Variants in MKKS observed in about 807,000 individuals in gnomAD.
The protein encoded by MKKS is molecular chaperone MKKS.
MKKS carries 29 observed loss-of-function variants against 33.2 expected under a neutral mutation model. That is an observed-to-expected ratio of 0.87 (90% CI 0.65 to 1.19). MKKS has a LOEUF of 1.19. Among genes scored for constraint, MKKS ranks in the 50% most tolerant of loss-of-function variants. The pLI is 0.00. For missense variants in MKKS, 661 were observed against 662.3 expected (o/e 1.00, Z 0.02); for synonymous variants, 260 against 244.0 (o/e 1.07, Z -0.61).
chr20:10,407,781 A>C, intron 4 of MKKS, 55 bp from the exon 5 acceptor site: 1 of 1,310,554 alleles, frequency 7.6e-7, no homozygotes, highest in South Asian at 1.2e-5. Flanking sequence ...TTAACACACA[A>C]AAAATCATGC....
Position 10,404,980 on chromosome 20 carries a change from T to C in MKKS, c.*267A>G, listed in dbSNP as rs2064830671. 1 of 239,644 alleles carries C rather than the reference T, an allele frequency of 4.2e-6. No individual in the cohort carries two copies. Among genetic ancestry groups the C allele is most frequent in the Admixed American group, 5.0e-5 (1 of 20,076 alleles). 14.8% of individuals were successfully genotyped at this position (239,644 alleles called of 1,614,324 possible). ...CAAAATGATGCCAACATAACAAAAA[T>C]TTAGAACAATGTACAGCAGCCAGTA... On this transcript the variant is annotated 3_prime_UTR_variant, in exon 6 of 6. Transcript: ENST00000347364.
chr20:10,415,415 T>C (rs954980768), intron 2 of MKKS, among the ~76,000 whole-genome samples: 4 of 152,232 alleles, frequency 2.6e-5, no homozygotes, highest in Non-Finnish European at 5.9e-5. Context: ...AATGTTATTT[T>C]GGTTACCATT....
rs2064974000 is a variant in MKKS, at chr20:10,420,668, G to T, written c.-558C>A. The T allele has an allele frequency of 6.6e-6, 1 of 152,094 alleles. No homozygotes were observed. Among genetic ancestry groups the T allele is most frequent in the South Asian group, 2.1e-4 (1 of 4,814 alleles). 9.4% of individuals were successfully genotyped at this position (152,094 alleles called of 1,614,324 possible). A position where few individuals can be genotyped will look rare whatever the true frequency, so the allele number is the denominator to read the frequency against. The stretch of plus-strand genomic sequence containing the variant: ...CTTTTGATTCTGTACCACCCCAAAT[G>T]TATGAGCCCAACTAAAGGGACCATA... On this transcript the variant is annotated 5_prime_UTR_variant, in exon 2 of 6. Transcript: ENST00000347364.
intron 1 of MKKS, among the ~76,000 whole-genome samples, chr20:10,422,550 C>T (rs2064987938): frequency 6.6e-6 from 1 of 152,068 alleles, no homozygotes. Context: ...ACAGAGGCTG[C>T]ACCAAAGGTC....
rs2064972781 is a variant in MKKS, at chr20:10,420,556, T to A, written c.-446A>T. 6.6e-6 allele frequency: 1 copy of A among 152,232 alleles called. No individual in the cohort carries two copies. Among genetic ancestry groups the A allele is most frequent in the African/African-American group, 2.4e-5 (1 of 41,454 alleles). The allele number at this position is 152,232 out of a possible 1,614,324, so 9.4% of individuals were successfully genotyped here. A position where few individuals can be genotyped will look rare whatever the true frequency, so the allele number is the denominator to read the frequency against. On this transcript the variant is annotated 5_prime_UTR_variant, in exon 2 of 6. Transcript: ENST00000347364. The stretch of plus-strand genomic sequence containing the variant: ...AAGATTGCAAGCCTGCTACTTCCCC[T>A]GGATTTGGCTCTTCTGAAGATTTGA...
intron 1 of MKKS, among the ~76,000 whole-genome samples, chr20:10,426,453 G>A (rs1467852795): frequency 6.6e-6 from 1 of 152,212 alleles, no homozygotes; most frequent in African/African-American, 2.4e-5. Context: ...TTGCCCAAGG[G>A]GGAGCGTAGT....
At chr20:10,409,977 CAAAAAAAAAA>C (rs58776463) in intron 3 of MKKS, among the ~76,000 whole-genome samples, 2 of 54,228 alleles carry the variant, frequency 3.7e-5, no homozygotes, top group African/African-American at 1.6e-4. Flanking sequence ...GACTTTGTCT[CAAAAAAAAAA>C]AAAAAAAAAA....
Position 10,402,824 on chromosome 20 carries a change from T to G in MKKS, c.*2423A>C, listed in dbSNP as rs2064817395. The G allele has an allele frequency of 6.6e-6, 1 of 152,266 alleles. No individual in the cohort carries two copies. 9.4% of individuals were successfully genotyped at this position (152,266 alleles called of 1,614,324 possible). Reference sequence around the variant, plus strand: ...CATCAAGAATGCTTTTTTCCATTTATGTGACCAAGTTTTCAGTAAATAATT... The same window carrying G: ...CATCAAGAATGCTTTTTTCCATTTAGGTGACCAAGTTTTCAGTAAATAATT... On this transcript the variant is annotated 3_prime_UTR_variant, in exon 6 of 6. Transcript: ENST00000347364.
At chr20:10,433,332 G>C (rs2065068438) in intron 1 of MKKS, among the ~76,000 whole-genome samples, 1 of 152,190 alleles carries the variant, frequency 6.6e-6, no homozygotes, top group Non-Finnish European at 1.5e-5. Context: ...TCCGCAGTTG[G>C]TTGAATTCAC....
rs776936558 is a variant in MKKS at position 10,413,213 on chromosome 20, T to A, written c.302A>T (p.Asn101Ile). ...TAATCTCTGAACATTTTCAATCAGG[T>A]TGCAGCAAAGAATAGCTGTGAATAA... ...CGLFTAILCC[N>I]LIENVQRLGL... Residue 101 changes from asparagine to isoleucine, a missense_variant, in exon 3 of 6, where the codon AAC becomes ATC. Transcript: ENST00000347364. 8 of 1,614,192 alleles carry A rather than the reference T, an allele frequency of 5.0e-6. No individual in the cohort carries two copies. In the South Asian group the frequency reaches 8.8e-5, roughly 18 times the overall value.
In MKKS at chr20:10,402,730, C is replaced by T. The variant is rs2064817088; in HGVS notation, c.*2517G>A. On this transcript the variant is annotated 3_prime_UTR_variant, in exon 6 of 6. Coordinates refer to ENST00000347364, the MANE Select transcript of MKKS (RefSeq NM_170784.3). ...GACAATACCCAACTCCTATGTGACA[C>T]ATTGTAAACACATGTGATAAAGAAC... The T allele has an allele frequency of 1.3e-5, 2 of 152,130 alleles. No individual in the cohort carries two copies. Among genetic ancestry groups the T allele is most frequent in the Non-Finnish European group, 2.9e-5 (2 of 68,024 alleles). 9.4% of individuals were successfully genotyped at this position (152,130 alleles called of 1,614,324 possible).
intron 2 of MKKS, among the ~76,000 whole-genome samples, chr20:10,414,139 T>C (rs1354785344): frequency 6.6e-6 from 1 of 152,202 alleles, no homozygotes; most frequent in African/African-American, 2.4e-5. Context: ...GAAAAAGTGC[T>C]TGTATTTCAG....
In MKKS at chr20:10,413,423, C is replaced by A. The variant is rs1600849566; in HGVS notation, c.92G>T (p.Arg31Ile). ...GGGGCCATAGCATGATGTTACAATT[C>A]TTTTCAAGACAGAAAGTGTGGTCCT... is the stretch of plus-strand genomic sequence containing the variant. ...RVRTTLSVLK[R>I]IVTSCYGPSG... The change falls in exon 3 of 6, where the codon AGA becomes ATA. Residue 31 changes from arginine (R) to isoleucine (I), a missense_variant. By Grantham distance (97) the Arg-to-Ile change is moderately conservative. Transcript: ENST00000347364. 6.2e-7 allele frequency: 1 copy of A among 1,613,236 alleles called. No individual in the cohort carries two copies. The highest frequency in any genetic ancestry group is 2.2e-5 in the East Asian group (1 of 44,842).
chr20:10,414,587 T>A lies in MKKS; in HGVS notation c.-417-656A>T, dbSNP rs115658596. 5.8e-3 allele frequency among the ~76,000 whole-genome samples: 876 copies of A among 152,240 alleles called. 12 individuals are homozygous for A. The highest frequency in any genetic ancestry group is 0.019 in the African/African-American group (803 of 41,542). On this transcript the variant is annotated intron_variant, in intron 2 of 5. Coordinates refer to ENST00000347364, the MANE Select transcript of MKKS (RefSeq NM_170784.3). Reference sequence around the variant, plus strand: ...GCAAGTCTCTGAGTCTTAAAAGAAGTCCCAAATATCTTTATTCTCCAACAT... The same window carrying A: ...GCAAGTCTCTGAGTCTTAAAAGAAGACCCAAATATCTTTATTCTCCAACAT...
intron 1 of MKKS, chr20:10,431,790 C>G (rs927464562): frequency 6.6e-6 from 1 of 152,170 alleles, no homozygotes; most frequent in Non-Finnish European, 1.5e-5. Flanking sequence ...ATTCCTAGTG[C>G]GTAGCAGAAA....
rs886056497 is a variant in MKKS at position 10,405,258 on chromosome 20, C to G, written c.1702G>C (p.Asp568His). Residue 568 changes from aspartate (D) to histidine (H), a missense_variant, in exon 6 of 6, where the codon GAT (aspartate) becomes CAT (histidine). Asp to His is a moderately conservative substitution (Grantham distance 81). Coordinates refer to ENST00000347364, the MANE Select transcript of MKKS (RefSeq NM_170784.3). ...LILDLSYVIE[D>H]KN ...AACATGCTATTCTCTTAGTTTTTATCTTCAATAACATATGAAAGATCCAAA... is the reference window on the plus strand; with the variant it reads ...AACATGCTATTCTCTTAGTTTTTATGTTCAATAACATATGAAAGATCCAAA... 1.2e-6 allele frequency: 2 copies of G among 1,610,718 alleles called. No individual in the cohort carries two copies. The highest frequency in any genetic ancestry group is 1.3e-5 in the African/African-American group (1 of 74,900).
At chr20:10,410,153 C>A (rs928872475) in intron 3 of MKKS, among the ~76,000 whole-genome samples, 2 of 151,904 alleles carry the variant, frequency 1.3e-5, no homozygotes, top group African/African-American at 2.4e-5. Flanking sequence ...AACCCAAAAT[C>A]TTATAGTATA....
In MKKS at chr20:10,411,080, G is replaced by A. The variant is rs1199981433; in HGVS notation, c.985+1450C>T. Among the ~76,000 whole-genome samples, 3 of 151,428 alleles carry A rather than the reference G, an allele frequency of 2.0e-5. No individual in the cohort carries two copies. In the East Asian group the frequency reaches 5.8e-4, roughly 29 times the overall value. On this transcript the variant is annotated intron_variant, in intron 3 of 5. Coordinates refer to ENST00000347364, the MANE Select transcript of MKKS (RefSeq NM_170784.3). ...CGGTTCACTGCAACCTCCACCTCCTGGGTTCAAGCAATTCTCCTGTCTCAG... is the reference window on the plus strand; with the variant it reads ...CGGTTCACTGCAACCTCCACCTCCTAGGTTCAAGCAATTCTCCTGTCTCAG...
At chr20:10,432,970 C>T (rs544324389) in intron 1 of MKKS, among the ~76,000 whole-genome samples, 6 of 152,150 alleles carry the variant, frequency 3.9e-5, no homozygotes, top group Non-Finnish European at 7.4e-5. Context: ...TGCACGTGTT[C>T]AGTACAGATG....
Sources: gnomAD v4.1 joint callset for allele counts (sites outside exome capture counted in the v4.1 genomes callset) on GRCh38, gnomAD v4.1.1 for gene constraint, MANE v1.5 for transcripts, NCBI Gene and HGNC (gene_info 2026-07-23, HGNC 2026-07-21) for gene names.